The following USP6NL variants were observed in gnomAD, a reference collection of about 807,000 sequenced individuals.
The protein encoded by USP6NL is USP6 N-terminal like, also known as USP6 N-terminal-like protein.
A neutral mutation model predicts 61.9 loss-of-function variants in USP6NL; 26 were observed. The ratio of observed to expected loss-of-function variants is 0.42; its 90% CI spans 0.31 to 0.58. The LOEUF is 0.58. Among genes scored for constraint, USP6NL ranks in the 20% least tolerant of loss-of-function variants. The pLI, the probability that USP6NL is intolerant of heterozygous loss-of-function variation, is 0.16. For synonymous variants in USP6NL, 432 were observed against 390.1 expected, an observed-to-expected ratio of 1.11 and a Z score of -1.27; for missense variants, 1,114 against 1,034.3, an observed-to-expected ratio of 1.08 and a Z score of -1.06.
At chr10:11,573,334 C>T in intron 2 of USP6NL, 1 of 272,036 alleles carries the variant, frequency 3.7e-6, no homozygotes, top group African/African-American at 2.2e-5. Context: ...ATCTTTAAAA[C>T]ATGAAAAGTA....
rs1266252435 is a variant in USP6NL, at chr10:11,598,453, T to C, written c.-83-736A>G. Among the ~76,000 whole-genome samples, 2 of 152,192 alleles carry C rather than the reference T, an allele frequency of 1.3e-5. No homozygotes were observed. Among genetic ancestry groups the C allele is most frequent in the African/African-American group, 2.4e-5 (1 of 41,460 alleles). On this transcript the variant is annotated intron_variant, in intron 1 of 14. Coordinates refer to ENST00000609104, the MANE Select transcript of USP6NL (RefSeq NM_014688.5). The surrounding 1 kb of genome is among the most constrained non-coding windows in gnomAD (Gnocchi z 4.7). ...TACAAACTTAACCCTTTGCTAAGAT[T>C]TACTTTATAAATCTTCCTTTCTTAA...
At chr10:11,588,506 A>G (rs1838053419) in intron 2 of USP6NL, among the ~76,000 whole-genome samples, 1 of 152,252 alleles carries the variant, frequency 6.6e-6, no homozygotes, top group Non-Finnish European at 1.5e-5. Context: ...TTCAGAAATA[A>G]TATTTTAAAA....
intron 5 of USP6NL, among the ~76,000 whole-genome samples, chr10:11,515,442 T>G (rs937087358): frequency 1.3e-5 from 2 of 152,218 alleles, no homozygotes; most frequent in African/African-American, 4.8e-5. Flanking sequence ...TGCCCCCAGT[T>G]CCCTCCTGGA....
At chr10:11,475,961 G>C (rs537459184) in intron 14 of USP6NL, among the ~76,000 whole-genome samples, 2 of 152,136 alleles carry the variant, frequency 1.3e-5, no homozygotes, top group African/African-American at 4.8e-5. Flanking sequence ...AAACTACACA[G>C]AACACCAGGA....
chr10:11,535,468 G>A (rs1210929301), intron 2 of USP6NL, among the ~76,000 whole-genome samples: 1 of 152,196 alleles, frequency 6.6e-6, no homozygotes, highest in Non-Finnish European at 1.5e-5. Context: ...CCAAAGGCAA[G>A]CTGAAAAAAT....
At chr10:11,501,233 A>G (rs756665205) in intron 6 of USP6NL, 25 bp from the exon 7 acceptor site, 32 of 1,574,734 alleles carry the variant, frequency 2.0e-5, no homozygotes, top group Middle Eastern at 3.4e-4. Context: ...AAGAAACTGA[A>G]GGTTACAAAC....
rs538501442 is a variant in USP6NL at position 11,463,000 on chromosome 10, G to C, written c.1928C>G (p.Pro643Arg). Residue 643 changes from proline (P) to arginine (R), a missense_variant, in exon 15 of 15, where the codon CCC (proline) becomes CGC (arginine). Coordinates refer to ENST00000609104, the MANE Select transcript of USP6NL (RefSeq NM_014688.5). ...SNPPVYHGNS[P>R]KHFPTANSSF... ...GCTGTTGGCAGTAGGGAAGTGTTTG[G>C]GAGAGTTTCCGTGGTAAACGGGGGG... The C allele has an allele frequency of 1.2e-4, 187 of 1,613,972 alleles. 1 individual carries two copies. The South Asian group carries it at 1.9e-3, about 16-fold the overall frequency.
chr10:11,501,232 A>C, intron 6 of USP6NL, 24 bp from the exon 7 acceptor site: 1 of 1,574,742 alleles, frequency 6.4e-7, no homozygotes. Context: ...AAAGAAACTG[A>C]AGGTTACAAA....
chr10:11,508,825 A>C (rs567017257), intron 6 of USP6NL, among the ~76,000 whole-genome samples: 1 of 152,340 alleles, frequency 6.6e-6, no homozygotes, highest in African/African-American at 2.4e-5. Context: ...TGAAAGAATA[A>C]GCAACTGCCA....
intron 1 of USP6NL, among the ~76,000 whole-genome samples, chr10:11,609,903 C>T (rs2133699766): frequency 6.6e-6 from 1 of 152,286 alleles, no homozygotes; most frequent in Non-Finnish European, 1.5e-5. Flanking sequence ...CATGTCAAAA[C>T]ATTATTAAAA....
chr10:11,463,217 T>A lies in USP6NL; in HGVS notation c.1711A>T (p.Arg571Trp), dbSNP rs370900205. The A allele has an allele frequency of 1.9e-6, 3 of 1,613,472 alleles. No individual in the cohort carries two copies. Among genetic ancestry groups the A allele is most frequent in the Non-Finnish European group, 2.5e-6 (3 of 1,179,882 alleles). The change falls in exon 15 of 15, where the codon AGG becomes TGG. Residue 571 changes from arginine to tryptophan, a missense_variant. By Grantham distance (101) the Arg-to-Trp change is moderately radical (BLOSUM62 -3). Coordinates refer to ENST00000609104, the MANE Select transcript of USP6NL (RefSeq NM_014688.5). The surrounding 1 kb of genome is among the most constrained non-coding windows in gnomAD (Gnocchi z 6.3). ...SGASVEEALERAYSQSPRHAL... is the reference protein window; with the variant it reads ...SGASVEEALEWAYSQSPRHAL... ...TGCCGGGGGCTCTGGGAGTAAGCCC[T>A]TTCCAGCGCCTCCTCCACGGAAGCG...
intron 14 of USP6NL, among the ~76,000 whole-genome samples, chr10:11,469,480 C>T (rs577545189): frequency 1.1e-3 from 174 of 152,354 alleles, no homozygotes; most frequent in African/African-American, 3.9e-3. Context: ...CAAAATGACG[C>T]TGCCTCTAAT....
At chr10:11,581,123 C>A (rs1261567655) in intron 2 of USP6NL, among the ~76,000 whole-genome samples, 9 of 151,580 alleles carry the variant, frequency 5.9e-5, no homozygotes, top group Admixed American at 2.6e-4. Flanking sequence ...AATAGTTTTT[C>A]TTATTATTAT....
chr10:11,509,705 G>T, intron 5 of USP6NL, 30 bp from the exon 6 acceptor site: 3 of 1,513,042 alleles, frequency 2.0e-6, no homozygotes, highest in Non-Finnish European at 2.7e-6. Flanking sequence ...CATTGTTATT[G>T]TTGTTCGTTT....
chr10:11,600,419 C>A lies in USP6NL; in HGVS notation c.-83-2702G>T, dbSNP rs1405037497. Among the ~76,000 whole-genome samples, 2 of 152,168 alleles carry A rather than the reference C, an allele frequency of 1.3e-5. No homozygotes were observed. The highest frequency in any genetic ancestry group is 6.5e-5 in the Admixed American group (1 of 15,280). On this transcript the variant is annotated intron_variant, in intron 1 of 14. Transcript: ENST00000609104. The surrounding 1 kb of genome is among the most constrained non-coding windows in gnomAD (Gnocchi z 4.1). ...ACTGAAGCCAACCCACATCTTACAG[C>A]CAAACCCAGCCAAACTCAACAGAGA...
Position 11,589,702 on chromosome 10 carries a change from T to C in USP6NL, c.4+7929A>G, listed in dbSNP as rs913962729. 1.1e-4 allele frequency among the ~76,000 whole-genome samples: 16 copies of C among 152,348 alleles called. No individual in the cohort carries two copies. The highest frequency in any genetic ancestry group is 3.8e-4 in the African/African-American group (16 of 41,590). ...AAATTCCATTTCTATTCCACTCTTC[T>C]AACATCTAAAACAGGCAACTGTATT... On this transcript the variant is annotated intron_variant, in intron 2 of 14. Coordinates refer to ENST00000609104, the MANE Select transcript of USP6NL (RefSeq NM_014688.5). The surrounding 1 kb of genome is among the most constrained non-coding windows in gnomAD (Gnocchi z 4.7).
intron 1 of USP6NL, among the ~76,000 whole-genome samples, chr10:11,609,279 C>G (rs904827757): frequency 6.6e-6 from 1 of 152,140 alleles, no homozygotes; most frequent in Non-Finnish European, 1.5e-5. Flanking sequence ...GTTAGCCAGG[C>G]TGGTCTTGAA....
Position 11,481,660 on chromosome 10 carries a change from C to G in USP6NL, c.1078+110G>C. On this transcript the variant is annotated intron_variant, in intron 14 of 14. Transcript: ENST00000609104. This position sits in a 1 kb window ranked among gnomAD's most constrained non-coding sequence, Gnocchi z 4.4. ...GGTAAGGCATTCATCCACATTATGT[C>G]ATCACAAGTATAATGCTTACGCTGT... The G allele has an allele frequency of 8.4e-7, 1 of 1,185,326 alleles. No homozygotes were observed. The highest frequency in any genetic ancestry group is 1.1e-6 in the Non-Finnish European group (1 of 894,158). The allele number at this position is 1,185,326 out of a possible 1,614,324, so 73.4% of individuals were successfully genotyped here.
chr10:11,576,524 G>A (rs570433560), intron 2 of USP6NL, among the ~76,000 whole-genome samples: 25 of 152,314 alleles, frequency 1.6e-4, no homozygotes, highest in Admixed American at 9.1e-4. Context: ...GAGAGCTGCC[G>A]TGCCTTTCCA....
Sources: gnomAD v4.1 joint callset for allele counts (sites outside exome capture counted in the v4.1 genomes callset) on GRCh38, gnomAD v4.1.1 for gene constraint, Gnocchi (gnomAD v3.1) non-coding constraint, MANE v1.5 for transcripts, NCBI Gene and HGNC (gene_info 2026-07-23, HGNC 2026-07-21) for gene names.